Variants in ST6GAL2 observed in about 807,000 individuals in gnomAD.
The protein encoded by ST6GAL2 is ST6 beta-galactoside alpha-2,6-sialyltransferase 2.
A neutral mutation model predicts 37.5 loss-of-function variants in ST6GAL2; 24 were observed. That is an observed-to-expected ratio of 0.64 (90% confidence interval 0.46 to 0.90). ST6GAL2 has a LOEUF of 0.90. Among genes scored for constraint, ST6GAL2 ranks in the 40% least tolerant of loss-of-function variants. The pLI is 0.00. For synonymous variants in ST6GAL2, 306 were observed against 295.1 expected (o/e 1.04, Z -0.38); for missense variants, 715 against 712.7 (o/e 1.00, Z -0.04).
Position 106,843,734 on chromosome 2 carries a change from G to A in ST6GAL2, c.244C>T (p.Arg82Cys), listed in dbSNP as rs756916800. The change falls in exon 2 of 6, where the codon CGC becomes TGC. Residue 82 changes from arginine (R) to cysteine (C), a missense_variant. Arg to Cys is a radical substitution (Grantham distance 180, BLOSUM62 -3). Transcript: ENST00000409382. ...GGLDARQALP[R>C]AHPAGSFHAG... is the part of the protein sequence containing the mutation. ...TGAAAGGAACCGGCTGGGTGGGCGC[G>A]GGGCAGCGCCTGGCGTGCGTCCAGG... The A allele has an allele frequency of 8.1e-6, 13 of 1,612,330 alleles. No individual in the cohort carries two copies. Among genetic ancestry groups the A allele is most frequent in the South Asian group, 4.4e-5 (4 of 91,024 alleles).
rs138857139 is a variant in ST6GAL2 at position 106,843,890 on chromosome 2, A to C, written c.88T>G (p.Phe30Val). 2.2e-5 allele frequency: 36 copies of C among 1,606,106 alleles called. No homozygotes were observed. In the African/African-American group the frequency reaches 4.5e-4, roughly 20 times the overall value. ...GGCTCAGCGGGGTTGCTGTCGGTGA[A>C]GTAGATGAAAATCAGCAAAAAGAGG... ...GLLFLLIFIY[F>V]TDSNPAEPVP... Residue 30 changes from phenylalanine to valine, a missense_variant, in exon 2 of 6, where the codon TTC (phenylalanine) becomes GTC (valine). Phe to Val is a conservative substitution (Grantham distance 50, BLOSUM62 -1). Coordinates refer to ENST00000409382, the MANE Select transcript of ST6GAL2 (RefSeq NM_001142351.2).
intron 1 of ST6GAL2, among the ~76,000 whole-genome samples, chr2:106,850,847 G>C (rs930087300): frequency 1.3e-5 from 2 of 152,110 alleles, no homozygotes; most frequent in Non-Finnish European, 2.9e-5. Context: ...GAAAGTCGTC[G>C]GTAATACTCA....
In ST6GAL2 at chr2:106,801,637, A is replaced by G. The variant is rs1375751906; in HGVS notation, c.*5041T>C. 1 of 152,268 alleles carries G rather than the reference A, an allele frequency of 6.6e-6. No individual in the cohort carries two copies. The highest frequency in any genetic ancestry group is 1.5e-5 in the Non-Finnish European group (1 of 68,052). 9.4% of individuals were successfully genotyped at this position (152,268 alleles called of 1,614,324 possible). A position where few individuals can be genotyped will look rare whatever the true frequency, so the allele number is the denominator to read the frequency against. ...GAAAACATGTTTTATTTACAAGAAA[A>G]AAGTCTGTACATTGTGTATACATAA... On this transcript the variant is annotated 3_prime_UTR_variant, in exon 6 of 6. Transcript: ENST00000409382.
intron 5 of ST6GAL2, among the ~76,000 whole-genome samples, chr2:106,808,137 T>C (rs2104410443): frequency 6.6e-6 from 1 of 152,304 alleles, no homozygotes; most frequent in South Asian, 2.1e-4. Context: ...CAACCATGTG[T>C]GCAACACAAA....
rs182717834 is a variant in ST6GAL2 at position 106,819,281 on chromosome 2, T to C, written c.1318+10785A>G. 3.5e-4 allele frequency among the ~76,000 whole-genome samples: 53 copies of C among 151,886 alleles called. No homozygotes were observed. In the East Asian group the frequency reaches 9.9e-3, roughly 28 times the overall value. On this transcript the variant is annotated intron_variant, in intron 5 of 5. Coordinates refer to ENST00000409382, the MANE Select transcript of ST6GAL2 (RefSeq NM_001142351.2). ...CAAGCAGATTTAACTTGAAAAAGAA[T>C]ACCTCAAGAAATTTAATAACCAAAC...
chr2:106,815,761 T>C (rs1218265308), intron 5 of ST6GAL2, among the ~76,000 whole-genome samples: 1 of 152,192 alleles, frequency 6.6e-6, no homozygotes, highest in African/African-American at 2.4e-5. Flanking sequence ...TACTCAGTGG[T>C]AGGGCCAAGA....
At chr2:106,850,022 G>A (rs998139933) in intron 1 of ST6GAL2, among the ~76,000 whole-genome samples, 1 of 152,138 alleles carries the variant, frequency 6.6e-6, no homozygotes, top group African/African-American at 2.4e-5. Context: ...GACTTCCTAA[G>A]ACCATAAGCC....
At chr2:106,866,148 G>C (rs1244138654) in intron 1 of ST6GAL2, among the ~76,000 whole-genome samples, 4 of 152,152 alleles carry the variant, frequency 2.6e-5, no homozygotes, top group Non-Finnish European at 5.9e-5. Context: ...TAATATTATG[G>C]CCTCAATTTT....
At chr2:106,819,876 G>A (rs12622308) in intron 5 of ST6GAL2, among the ~76,000 whole-genome samples, 12,181 of 151,470 alleles carry the variant, frequency 0.08, 1,149 homozygotes, top group East Asian at 0.49. Context: ...AATTTTTATT[G>A]GTTTTCTCTT....
At chr2:106,882,391 G>A (rs370769513) in intron 1 of ST6GAL2, among the ~76,000 whole-genome samples, 16 of 152,240 alleles carry the variant, frequency 1.1e-4, no homozygotes, top group Admixed American at 4.6e-4. Flanking sequence ...CAGTCTTCTC[G>A]CCTGTAAAAT....
At chr2:106,851,318 A>T (rs997793231) in intron 1 of ST6GAL2, among the ~76,000 whole-genome samples, 5 of 152,234 alleles carry the variant, frequency 3.3e-5, no homozygotes, top group Non-Finnish European at 7.3e-5. Context: ...TAGGAAGGTC[A>T]GTGCCCACAT....
intron 2 of ST6GAL2, among the ~76,000 whole-genome samples, chr2:106,835,740 C>G (rs906434258): frequency 3.3e-5 from 5 of 152,048 alleles, no homozygotes; most frequent in African/African-American, 1.2e-4. Context: ...GTTCACAAAA[C>G]AAAAAATATC....
intron 5 of ST6GAL2, among the ~76,000 whole-genome samples, chr2:106,815,177 G>A (rs188115962): frequency 6.6e-6 from 1 of 152,150 alleles, no homozygotes; most frequent in Non-Finnish European, 1.5e-5. Context: ...CAAATATGGA[G>A]TCTAATTAGA....
intron 5 of ST6GAL2, among the ~76,000 whole-genome samples, chr2:106,826,545 A>G (rs2104455081): frequency 6.6e-6 from 1 of 151,878 alleles, no homozygotes; most frequent in East Asian, 1.9e-4. Context: ...GTCTCAAAAA[A>G]AAAAAAAAAA....
At chr2:106,884,418 G>A (rs979073143) in intron 1 of ST6GAL2, among the ~76,000 whole-genome samples, 1 of 152,032 alleles carries the variant, frequency 6.6e-6, no homozygotes, top group African/African-American at 2.4e-5. Context: ...TAGATCCTGT[G>A]CACCACATAG....
At chr2:106,877,735 T>C (rs1031469173) in intron 1 of ST6GAL2, among the ~76,000 whole-genome samples, 2 of 152,252 alleles carry the variant, frequency 1.3e-5, no homozygotes, top group African/African-American at 4.8e-5. Context: ...CTACCCACCA[T>C]ATATACATAA....
chr2:106,843,054 A>G lies in ST6GAL2; in HGVS notation c.924T>C (p.Ser308=). 5 of 1,454,236 alleles carry G rather than the reference A, an allele frequency of 3.4e-6. No individual in the cohort carries two copies. The highest frequency in any genetic ancestry group is 4.5e-6 in the Non-Finnish European group (5 of 1,101,474). The allele number at this position is 1,454,236 out of a possible 1,614,324, so 90.1% of individuals were successfully genotyped here. A position where few individuals can be genotyped will look rare whatever the true frequency, so the allele number is the denominator to read the frequency against. The change falls in exon 2 of 6, where the codon TCT becomes TCC. Residue 308 remains serine, a synonymous_variant. Coordinates refer to ENST00000409382, the MANE Select transcript of ST6GAL2 (RefSeq NM_001142351.2). ...VVMSAGAILN[S]SLGEEIDSHD... is the part of the protein sequence containing the mutation. ...ACCTACCTATTTCCTCGCCCAAGGA[A>G]GAGTTGAGGATTGCGCCTGCAGACA...
intron 5 of ST6GAL2, among the ~76,000 whole-genome samples, chr2:106,819,507 C>T (rs781070210): frequency 1.3e-5 from 2 of 151,874 alleles, no homozygotes; most frequent in Admixed American, 6.6e-5. Context: ...ATAGTATATC[C>T]AGCAAAAATA....
intron 2 of ST6GAL2, among the ~76,000 whole-genome samples, chr2:106,838,389 C>T (rs994736300): frequency 2.6e-5 from 4 of 152,190 alleles, no homozygotes; most frequent in African/African-American, 9.7e-5. Context: ...AGCAGGAGAG[C>T]AAGCCTCCAG....
Sources: gnomAD v4.1 joint callset for allele counts (sites outside exome capture counted in the v4.1 genomes callset) on GRCh38, gnomAD v4.1.1 for gene constraint, MANE v1.5 for transcripts, NCBI Gene and HGNC (gene_info 2026-07-23, HGNC 2026-07-21) for gene names.